GTF2E1: variants seen among roughly 807,000 people sequenced by gnomAD.
The protein encoded by GTF2E1 is general transcription factor IIE subunit 1.
Under a neutral mutation model 34.9 loss-of-function variants are expected in GTF2E1, and 14 were observed. The ratio of observed to expected loss-of-function variants is 0.40; its 90% CI spans 0.27 to 0.63. The LOEUF is 0.63. GTF2E1 is among the 20% of genes least tolerant of loss of function. The pLI is 0.39. For synonymous variants in GTF2E1, 188 were observed against 192.9 expected, an observed-to-expected ratio of 0.97 and a Z score of 0.21; for missense variants, 469 against 557.7, an observed-to-expected ratio of 0.84 and a Z score of 1.60.
In GTF2E1 at chr3:120,750,769, A is replaced by G; in HGVS notation, c.217A>G (p.Lys73Glu). The G allele has an allele frequency of 1.9e-6, 3 of 1,614,052 alleles. No homozygotes were observed. The highest frequency in any genetic ancestry group is 1.7e-6 in the Non-Finnish European group (2 of 1,179,916). The change falls in exon 2 of 5, where the codon AAA becomes GAA. Residue 73 changes from lysine (K) to glutamate (E), a missense_variant. By Grantham distance (56) the Lys-to-Glu change is moderately conservative. Transcript: ENST00000283875. Reference sequence around the variant, plus strand: ...TAATTTAAAGGGAGACAAGTTTATCAAATGCAGAATGAGGGTAGAGACTGC... The same window carrying G: ...TAATTTAAAGGGAGACAAGTTTATCGAATGCAGAATGAGGGTAGAGACTGC... The part of the protein sequence containing the change: ...LNNLKGDKFI[K>E]CRMRVETAAD...
chr3:120,776,383 AT>A, intron 3 of GTF2E1, 39 bp from the exon 4 acceptor site: 1 of 1,567,784 alleles, frequency 6.4e-7, no homozygotes, highest in Non-Finnish European at 8.6e-7. Context: ...CAAGACATTA[AT>A]TTTTCTTCTT....
chr3:120,768,570 T>A (rs918059287), intron 2 of GTF2E1, among the ~76,000 whole-genome samples: 2 of 152,196 alleles, frequency 1.3e-5, no homozygotes, highest in African/African-American at 4.8e-5. Flanking sequence ...CTAGATAACT[T>A]GTCTTCCAAA....
At chr3:120,778,984 C>T (rs1709425077) in intron 4 of GTF2E1, among the ~76,000 whole-genome samples, 1 of 152,166 alleles carries the variant, frequency 6.6e-6, no homozygotes, top group Non-Finnish European at 1.5e-5. Flanking sequence ...CCCACAATTG[C>T]TTAGCATCAA....
intron 2 of GTF2E1, among the ~76,000 whole-genome samples, chr3:120,761,696 A>G (rs985082370): frequency 1.3e-5 from 2 of 151,712 alleles, no homozygotes; most frequent in Non-Finnish European, 2.9e-5. Flanking sequence ...GTCATTCAGG[A>G]GCAGGTTGTT....
intron 2 of GTF2E1, 81 bp from the exon 3 acceptor site, chr3:120,770,647 A>G: frequency 1.0e-6 from 1 of 962,026 alleles, no homozygotes; most frequent in South Asian, 1.3e-5. Context: ...AGTTTTAATA[A>G]TAAGATATTG....
chr3:120,781,412 A>T lies in GTF2E1; in HGVS notation c.1262A>T (p.Glu421Val), dbSNP rs759303245. The T allele has an allele frequency of 8.7e-6, 14 of 1,614,022 alleles. No individual in the cohort carries two copies. The Middle Eastern group carries it at 4.9e-4, about 57-fold the overall frequency. Residue 421 changes from glutamate (E) to valine (V), a missense_variant, in exon 5 of 5, where the codon GAA becomes GTA. By Grantham distance (121) the Glu-to-Val change is moderately radical (BLOSUM62 -2). Transcript: ENST00000283875. ...RPELVAQMTP[E>V]EKEAYIAMGQ... ...GAGCTAGTGGCCCAGATGACACCAGAAGAAAAGGAAGCATATATAGCAATG... is the reference window on the plus strand; with the variant it reads ...GAGCTAGTGGCCCAGATGACACCAGTAGAAAAGGAAGCATATATAGCAATG...
At chr3:120,780,865 T>C (rs977821804) in intron 4 of GTF2E1, among the ~76,000 whole-genome samples, 178 bp from the exon 5 acceptor site, 5 of 152,210 alleles carry the variant, frequency 3.3e-5, no homozygotes, top group Admixed American at 6.5e-5. Context: ...TTATGCTACT[T>C]AAGCTCCAGT....
Position 120,750,692 on chromosome 3 carries a change from A to C in GTF2E1, c.140A>C (p.Asp47Ala), listed in dbSNP as rs1366798094. The change falls in exon 2 of 5, where the codon GAT (aspartate) becomes GCT (alanine). Residue 47 changes from aspartate (D) to alanine (A), a missense_variant. By Grantham distance (126) the Asp-to-Ala change is moderately radical. Transcript: ENST00000283875. ...LIRNSCVKEE[D>A]MLELLKFDRK... ...AGGAACTCCTGTGTGAAAGAGGAGG[A>C]TATGCTGGAGCTGCTCAAGTTTGAT... 3.7e-6 allele frequency: 6 copies of C among 1,613,878 alleles called. No individual in the cohort carries two copies. Among genetic ancestry groups the C allele is most frequent in the Non-Finnish European group, 4.2e-6 (5 of 1,179,926 alleles).
intron 1 of GTF2E1, among the ~76,000 whole-genome samples, chr3:120,748,973 T>C (rs1429225297): frequency 6.6e-6 from 1 of 152,238 alleles, no homozygotes; most frequent in African/African-American, 2.4e-5. Flanking sequence ...TCACATCCCT[T>C]GTAAGTTGGA....
rs769970859 is a variant in GTF2E1 at position 120,781,154 on chromosome 3, C to T, written c.1004C>T (p.Ala335Val). Residue 335 changes from alanine (A) to valine (V), a missense_variant, in exon 5 of 5, where the codon GCC becomes GTC. Coordinates refer to ENST00000283875, the MANE Select transcript of GTF2E1 (RefSeq NM_005513.3). Reference sequence around the variant, plus strand: ...ATTCACGAGAAAAAGACTTCCTCTGCCATGGCTGGTTCAGTGGGGGCAGCT... The same window carrying T: ...ATTCACGAGAAAAAGACTTCCTCTGTCATGGCTGGTTCAGTGGGGGCAGCT... ...LLIHEKKTSS[A>V]MAGSVGAAAP... is the part of the protein sequence containing the mutation. 1.2e-6 allele frequency: 2 copies of T among 1,614,140 alleles called. No individual in the cohort carries two copies. Among genetic ancestry groups the T allele is most frequent in the African/African-American group, 1.3e-5 (1 of 75,056 alleles).
chr3:120,752,794 A>G (rs1209785040), intron 2 of GTF2E1, among the ~76,000 whole-genome samples: 1 of 152,192 alleles, frequency 6.6e-6, no homozygotes, highest in African/African-American at 2.4e-5. Context: ...AACAAAGACT[A>G]TTTTTAATGT....
chr3:120,772,142 G>A (rs1238266083), intron 3 of GTF2E1, among the ~76,000 whole-genome samples: 2 of 152,128 alleles, frequency 1.3e-5, no homozygotes, highest in African/African-American at 4.8e-5. Context: ...GCAGAAAAAG[G>A]GACCGTCCCT....
chr3:120,776,653 A>T lies in GTF2E1; in HGVS notation c.881A>T (p.Asp294Val). 6.2e-7 allele frequency: 1 copy of T among 1,612,988 alleles called. No homozygotes were observed. The highest frequency in any genetic ancestry group is 1.1e-5 in the South Asian group (1 of 91,052). ...STVQGAYGSE[D>V]MKEGGIDMDA... ...GTCCAAGGGGCATATGGTTCTGAAG[A>T]TATGAAAGAAGGTAAGAGTAGAAGT... Residue 294 changes from aspartate to valine, a missense_variant, in exon 4 of 5, where the codon GAT (aspartate) becomes GTT (valine). Asp to Val is a radical substitution (Grantham distance 152, BLOSUM62 -3). Coordinates refer to ENST00000283875, the MANE Select transcript of GTF2E1 (RefSeq NM_005513.3).
At chr3:120,776,765 G>C in intron 4 of GTF2E1, 101 bp downstream of exon 4, 1 of 1,040,596 alleles carries the variant, frequency 9.6e-7, no homozygotes, top group Non-Finnish European at 1.4e-6. Flanking sequence ...CTGTTCTACA[G>C]AACAATTAAT....
At position 120,781,256 on chromosome 3, in the gene GTF2E1, C is replaced by G. The variant is rs74885108; in HGVS notation, c.1106C>G (p.Pro369Arg). 6.2e-7 allele frequency: 1 copy of G among 1,613,932 alleles called. No individual in the cohort carries two copies. Among genetic ancestry groups the G allele is most frequent in the African/African-American group, 1.3e-5 (1 of 74,890 alleles). The change falls in exon 5 of 5, where the codon CCG (proline) becomes CGG (arginine). Residue 369 changes from proline to arginine, a missense_variant. Physicochemically the swap from Pro to Arg is moderately radical, Grantham distance 103. Transcript: ENST00000283875. ...SESDDDSPPR[P>R]AAVAVHKREE... is the part of the protein sequence containing the mutation. ...TCAGATGATGATTCTCCACCCCGTCCGGCAGCTGTGGCTGTGCATAAACGA... is the reference window on the plus strand; with the variant it reads ...TCAGATGATGATTCTCCACCCCGTCGGGCAGCTGTGGCTGTGCATAAACGA...
In GTF2E1 at chr3:120,750,766, A is replaced by G; in HGVS notation, c.214A>G (p.Ile72Val). ...VLNNLKGDKF[I>V]KCRMRVETAA... ...GAATAATTTAAAGGGAGACAAGTTT[A>G]TCAAATGCAGAATGAGGGTAGAGAC... Residue 72 changes from isoleucine to valine, a missense_variant, in exon 2 of 5, where the codon ATC (isoleucine) becomes GTC (valine). By Grantham distance (29) the Ile-to-Val change is conservative (BLOSUM62 3). Transcript: ENST00000283875. The G allele has an allele frequency of 6.2e-7, 1 of 1,614,062 alleles. No homozygotes were observed. The highest frequency in any genetic ancestry group is 1.1e-5 in the South Asian group (1 of 91,090).
intron 2 of GTF2E1, among the ~76,000 whole-genome samples, chr3:120,751,987 G>A (rs1709168028): frequency 1.3e-5 from 2 of 152,018 alleles, no homozygotes; most frequent in African/African-American, 4.8e-5. Flanking sequence ...TAATTTTTAT[G>A]TTATATATGG....
intron 2 of GTF2E1, among the ~76,000 whole-genome samples, chr3:120,767,479 G>T (rs950911369): frequency 6.6e-6 from 1 of 152,128 alleles, no homozygotes; most frequent in Non-Finnish European, 1.5e-5. Context: ...TTAAGCTCAG[G>T]CTCTCTTTCC....
At chr3:120,766,528 T>C (rs1025235169) in intron 2 of GTF2E1, among the ~76,000 whole-genome samples, 1 of 152,050 alleles carries the variant, frequency 6.6e-6, no homozygotes, top group East Asian at 1.9e-4. Context: ...AACATCATTT[T>C]TCAACCACCC....
Sources: allele counts gnomAD v4.1 joint callset (sites outside exome capture counted in the v4.1 genomes callset), GRCh38; gene constraint gnomAD v4.1.1; transcripts MANE v1.5; gene names NCBI Gene and HGNC (gene_info 2026-07-23, HGNC 2026-07-21).